SCN2A: variants seen among roughly 807,000 people sequenced by gnomAD.
The protein encoded by SCN2A is sodium voltage-gated channel alpha subunit 2, also known as sodium channel protein type 2 subunit alpha.
Under a neutral mutation model 188.7 loss-of-function variants are expected in SCN2A, and 20 were observed. The observed-to-expected ratio is 0.11, with a 90% confidence interval of 0.07 to 0.15. The LOEUF (loss-of-function observed/expected upper bound fraction) is 0.15. Among genes scored for constraint, SCN2A ranks in the 10% least tolerant of loss-of-function variants. SCN2A has a pLI of 1.00. For synonymous variants in SCN2A, 804 were observed against 833.1 expected (o/e 0.97, Z 0.60); for missense variants, 1,278 against 2,445.0 (o/e 0.52, Z 10.07).
At chr2:165,355,167 G>T (rs1250369765) in intron 17 of SCN2A, among the ~76,000 whole-genome samples, 2 of 152,108 alleles carry the variant, frequency 1.3e-5, no homozygotes, top group African/African-American at 2.4e-5. Flanking sequence ...TTGGGATCTT[G>T]GCTTGATATT....
chr2:165,259,808 A>G (rs1198568372), intron 1 of SCN2A, among the ~76,000 whole-genome samples: 1 of 151,954 alleles, frequency 6.6e-6, no homozygotes, highest in Non-Finnish European at 1.5e-5. Flanking sequence ...ACCTCCTCCT[A>G]TGAATCATTT....
rs373584245 is a variant in SCN2A, at chr2:165,336,069, G to C, written c.2388+4501G>C. On this transcript the variant is annotated intron_variant, in intron 14 of 26. Transcript: ENST00000375437. ...TGAGATACCACTTCACACACACTAA[G>C]ATGGCTATAATCAGAAAGAAAGCCA... Among the ~76,000 whole-genome samples, 3 of 151,830 alleles carry C rather than the reference G, an allele frequency of 2.0e-5. No homozygotes were observed. The East Asian group carries it at 5.8e-4, about 29-fold the overall frequency.
At chr2:165,254,812 C>T (rs577382529) in intron 1 of SCN2A, among the ~76,000 whole-genome samples, 29 of 151,742 alleles carry the variant, frequency 1.9e-4, no homozygotes, top group African/African-American at 6.7e-4. Context: ...TGCATAATAA[C>T]GTACTACTAT....
chr2:165,357,489 C>G (rs1435688273), intron 17 of SCN2A, among the ~76,000 whole-genome samples: 2 of 152,118 alleles, frequency 1.3e-5, no homozygotes, highest in Non-Finnish European at 2.9e-5. Context: ...TAGGTGTTCA[C>G]AGTAAGTCCT....
intron 1 of SCN2A, among the ~76,000 whole-genome samples, chr2:165,277,951 C>T (rs1695416184): frequency 6.6e-6 from 1 of 152,144 alleles, no homozygotes; most frequent in Admixed American, 6.6e-5. Flanking sequence ...ACATCATAAT[C>T]TTACTTGAAG....
intron 1 of SCN2A, among the ~76,000 whole-genome samples, chr2:165,251,487 C>G (rs1235693210): frequency 6.6e-6 from 1 of 151,972 alleles, no homozygotes; most frequent in Non-Finnish European, 1.5e-5. Context: ...TATGTTAGGT[C>G]TCTTCTGGCC....
chr2:165,266,996 A>G (rs1005818201), intron 1 of SCN2A: 1 of 152,090 alleles, frequency 6.6e-6, no homozygotes, highest in African/African-American at 2.4e-5. Context: ...GGATTAAAGA[A>G]ATTAAATAAG....
Position 165,389,497 on chromosome 2 carries a change from G to C in SCN2A, c.5691G>C (p.Thr1897=), listed in dbSNP as rs780700291. Residue 1897 remains threonine, a synonymous_variant, in exon 27 of 27, where the codon ACG becomes ACC. Transcript: ENST00000375437. The surrounding 1 kb of genome is among the most constrained non-coding windows in gnomAD (Gnocchi z 4.2). ...NPSKVSYEPI[T]TTLKRKQEEV... is the part of the protein sequence containing the mutation. ...CCAAAGTCTCTTATGAGCCCATTAC[G>C]ACCACGTTGAAACGCAAACAAGAGG... The C allele has an allele frequency of 6.2e-7, 1 of 1,613,882 alleles. No individual in the cohort carries two copies. Among genetic ancestry groups the C allele is most frequent in the African/African-American group, 1.3e-5 (1 of 74,980 alleles).
chr2:165,354,076 C>T, intron 16 of SCN2A, 116 bp from the exon 17 acceptor site: 7 of 1,245,394 alleles, frequency 5.6e-6, no homozygotes, highest in Non-Finnish European at 8.2e-6. Flanking sequence ...CATGAATTAG[C>T]AGAAATGCAT....
intron 1 of SCN2A, among the ~76,000 whole-genome samples, chr2:165,293,676 C>A (rs1357754388): frequency 6.6e-6 from 1 of 152,030 alleles, no homozygotes; most frequent in East Asian, 1.9e-4. Flanking sequence ...AATTTGAATT[C>A]TTTATATGGG....
intron 13 of SCN2A, chr2:165,328,313 T>G (rs1698472639): frequency 6.5e-6 from 1 of 154,892 alleles, no homozygotes; most frequent in Admixed American, 6.5e-5. Context: ...AATATTAAAC[T>G]CTAGTACGTT....
chr2:165,269,234 T>A (rs1695003005), intron 1 of SCN2A: 1 of 152,096 alleles, frequency 6.6e-6, no homozygotes, highest in African/African-American at 2.4e-5. Context: ...AAATATTAAG[T>A]TGCACACTGT....
At chr2:165,374,267 T>G (rs1169928188) in intron 21 of SCN2A, among the ~76,000 whole-genome samples, 4 of 152,114 alleles carry the variant, frequency 2.6e-5, no homozygotes, top group African/African-American at 9.7e-5. Flanking sequence ...GAATACTGTT[T>G]ATATTTTCTG....
chr2:165,391,007 C>T lies in SCN2A; in HGVS notation c.*1183C>T, dbSNP rs1702102335. 6.6e-6 allele frequency: 1 copy of T among 152,422 alleles called. No homozygotes were observed. The highest frequency in any genetic ancestry group is 1.5e-5 in the Non-Finnish European group (1 of 67,974). 9.4% of individuals were successfully genotyped at this position (152,422 alleles called of 1,614,324 possible). On this transcript the variant is annotated 3_prime_UTR_variant, in exon 27 of 27. Coordinates refer to ENST00000375437, the MANE Select transcript of SCN2A (RefSeq NM_001040142.2). ...ACTACTTATTGCATCAAATATGTAC[C>T]ACAGTAAGTATAGTTTGCAAGCTTT...
chr2:165,309,311 G>C, intron 5 of SCN2A, 41 bp from the exon 6 acceptor site: 1 of 1,613,554 alleles, frequency 6.2e-7, no homozygotes, highest in Non-Finnish European at 8.5e-7. Flanking sequence ...ACTGTTTCTT[G>C]TGTTCTGTCA....
intron 16 of SCN2A, among the ~76,000 whole-genome samples, chr2:165,348,260 G>A (rs1455618097): frequency 2.0e-5 from 3 of 151,434 alleles, no homozygotes; most frequent in Non-Finnish European, 4.4e-5. Flanking sequence ...TTGGGAAGCT[G>A]AGGCACGAGA....
chr2:165,338,013 T>A (rs938815081), intron 14 of SCN2A, among the ~76,000 whole-genome samples: 1 of 152,140 alleles, frequency 6.6e-6, no homozygotes, highest in Non-Finnish European at 1.5e-5. Flanking sequence ...TATTTCATCA[T>A]CCAGGTAATA....
chr2:165,315,015 A>G (rs1175974855), intron 10 of SCN2A, among the ~76,000 whole-genome samples: 2 of 152,188 alleles, frequency 1.3e-5, no homozygotes, highest in African/African-American at 4.8e-5. Flanking sequence ...GAAAAATGTC[A>G]TTAAAATAAA....
chr2:165,391,277 A>T lies in SCN2A; in HGVS notation c.*1453A>T, dbSNP rs970502137. ...TTTTTATTCTTCCAACCTTAATTGA[A>T]CACTCAATGATGAAAAGCCCGACTG... On this transcript the variant is annotated 3_prime_UTR_variant, in exon 27 of 27. Coordinates refer to ENST00000375437, the MANE Select transcript of SCN2A (RefSeq NM_001040142.2). 1 of 152,532 alleles carries T rather than the reference A, an allele frequency of 6.6e-6. No homozygotes were observed. Among genetic ancestry groups the T allele is most frequent in the African/African-American group, 2.4e-5 (1 of 41,454 alleles). 9.4% of individuals were successfully genotyped at this position (152,532 alleles called of 1,614,324 possible). A position where few individuals can be genotyped will look rare whatever the true frequency, so the allele number is the denominator to read the frequency against.
Sources: allele counts gnomAD v4.1 joint callset (sites outside exome capture counted in the v4.1 genomes callset), GRCh38; gene constraint gnomAD v4.1.1; non-coding constraint Gnocchi (gnomAD v3.1); transcripts MANE v1.5; gene names NCBI Gene and HGNC (gene_info 2026-07-23, HGNC 2026-07-21).